Variants in PDE1C observed in about 807,000 individuals in gnomAD.
The protein encoded by PDE1C is phosphodiesterase 1C, also known as dual specificity calcium/calmodulin-dependent 3',5'-cyclic nucleotide phosphodiesterase 1C.
A neutral mutation model predicts 93.1 loss-of-function variants in PDE1C; 62 were observed. That is an observed-to-expected ratio of 0.67 (90% CI 0.54 to 0.82). PDE1C has a LOEUF of 0.82. Ranked by LOEUF, PDE1C falls within the 40% of genes least tolerant of loss-of-function variation. The pLI is 0.00. For synonymous variants in PDE1C, 325 were observed against 310.1 expected (o/e 1.05, Z -0.50); for missense variants, 742 against 884.6 (o/e 0.84, Z 2.04).
chr7:31,923,036 A>C (rs1168270782), intron 2 of PDE1C, among the ~76,000 whole-genome samples: 1 of 152,148 alleles, frequency 6.6e-6, no homozygotes, highest in African/African-American at 2.4e-5. Flanking sequence ...GCTAGGACTA[A>C]ACATAGAGCA....
chr7:31,681,370 C>CGGAT, the PDE1C span, among the ~76,000 whole-genome samples: 114 of 52,686 alleles, frequency 2.2e-3, no homozygotes, highest in Admixed American at 5.1e-3. Flanking sequence ...GATGGATGGA[C>CGGAT]GGATGGATGG....
intron 3 of PDE1C, among the ~76,000 whole-genome samples, chr7:32,103,612 AC>A (rs1375525532): frequency 6.6e-6 from 1 of 152,226 alleles, no homozygotes. Flanking sequence ...GGAAAGCCCA[AC>A]AATCGACAAG....
the PDE1C span, among the ~76,000 whole-genome samples, chr7:31,730,405 G>A: frequency 1.3e-4 from 20 of 152,180 alleles, no homozygotes; most frequent in African/African-American, 2.7e-4. Context: ...AGGGCCACTC[G>A]TGCTCTGCAG....
At chr7:32,130,143 G>T (rs1442665255) in intron 3 of PDE1C, among the ~76,000 whole-genome samples, 1 of 151,896 alleles carries the variant, frequency 6.6e-6, no homozygotes, top group Non-Finnish European at 1.5e-5. Context: ...AGAAAATAGT[G>T]CCTCAATATG....
At chr7:31,652,685 T>C in the PDE1C span, 2 of 1,613,788 alleles carry the variant, frequency 1.2e-6, no homozygotes, top group Non-Finnish European at 8.5e-7. Context: ...CCTGTTCAGG[T>C]GGGACCCAGT....
At chr7:32,076,416 G>A (rs567588771), upstream of PDE1C, among the ~76,000 whole-genome samples, 14 of 152,028 alleles carry the variant, frequency 9.2e-5, no homozygotes, top group East Asian at 3.9e-4. Context: ...CGACGTGGCC[G>A]GATCACCTGA....
chr7:31,838,939 T>G (rs1381179017), intron 9 of PDE1C, among the ~76,000 whole-genome samples: 1 of 150,842 alleles, frequency 6.6e-6, no homozygotes, highest in Admixed American at 6.6e-5. Flanking sequence ...AATTTTCTAG[T>G]TTTATACATG....
chr7:32,338,581 C>T (rs1439661875), intron 1 of PDE1C, among the ~76,000 whole-genome samples: 1 of 152,128 alleles, frequency 6.6e-6, no homozygotes, highest in Non-Finnish European at 1.5e-5. Context: ...AGGCAGTCCT[C>T]AAAAAATTAA....
At chr7:31,804,160 G>T (rs1238865664) in intron 16 of PDE1C, among the ~76,000 whole-genome samples, 1 of 151,852 alleles carries the variant, frequency 6.6e-6, no homozygotes, top group Non-Finnish European at 1.5e-5. Context: ...ATTCTGGGAT[G>T]CAGTTAAATT....
the PDE1C span, among the ~76,000 whole-genome samples, chr7:31,663,817 T>C: frequency 6.6e-6 from 1 of 152,226 alleles, no homozygotes; most frequent in African/African-American, 2.4e-5. Context: ...ATAATTTACA[T>C]ACCGTGTTTG....
At position 32,265,122 on chromosome 7, in the gene PDE1C, G is replaced by A. The variant is rs78749292; in HGVS notation, c.85+33529C>T. 7.9e-5 allele frequency among the ~76,000 whole-genome samples: 12 copies of A among 152,316 alleles called. No homozygotes were observed. The East Asian group carries it at 2.3e-3, about 29-fold the overall frequency. ...ACTCCAGAGAGAGCAACCTTAGCAAGAAAGTAGCAAAAGGGAAGGGAATTT... is the reference window on the plus strand; with the variant it reads ...ACTCCAGAGAGAGCAACCTTAGCAAAAAAGTAGCAAAAGGGAAGGGAATTT... On this transcript the variant is annotated intron_variant, in intron 1 of 18. Transcript: ENST00000396193.
At chr7:32,303,007 T>C (rs557036988), upstream of PDE1C, among the ~76,000 whole-genome samples, 3 of 152,274 alleles carry the variant, frequency 2.0e-5, no homozygotes, top group East Asian at 1.9e-4. Context: ...CTGCAGGCAA[T>C]GAAGTTTCTG....
At chr7:31,708,537 C>A in the PDE1C span, 1 of 152,334 alleles carries the variant, frequency 6.6e-6, no homozygotes, top group East Asian at 1.9e-4. Flanking sequence ...AAGAGACTCA[C>A]AAAGTTTTGC....
intron 3 of PDE1C, among the ~76,000 whole-genome samples, chr7:32,140,176 T>A (rs775433296): frequency 2.0e-5 from 3 of 152,196 alleles, no homozygotes; most frequent in African/African-American, 7.2e-5. Context: ...TTTCATTTAA[T>A]CCTTATGACA....
intron 3 of PDE1C, among the ~76,000 whole-genome samples, chr7:32,085,089 A>C (rs1269946403): frequency 1.4e-5 from 2 of 146,898 alleles, no homozygotes. Flanking sequence ...GGATCAACAA[A>C]ATTGATAGAC....
intron 16 of PDE1C, chr7:31,789,738 C>T (rs1388732155): frequency 2.0e-6 from 2 of 985,728 alleles, no homozygotes; most frequent in Admixed American, 6.1e-5. Context: ...AGACTGGAAT[C>T]ATCATCTTTG....
At chr7:32,163,958 C>A (rs1171094258) in intron 3 of PDE1C, among the ~76,000 whole-genome samples, 1 of 152,114 alleles carries the variant, frequency 6.6e-6, no homozygotes, top group Non-Finnish European at 1.5e-5. Flanking sequence ...TAACAGCAGC[C>A]CCCAAAGCCC....
In PDE1C at chr7:31,753,443, C is replaced by A. The variant is rs778260273; in HGVS notation, c.2071G>T (p.Asp691Tyr). ...ATCTTTTTCATTTTGATCCTCTGAT[C>A]CAGCATCTTGTACCTTGCAGGATGC... The part of the protein sequence containing the change: ...DEHPARYKML[D>Y]QRIKMKKIQN... The change falls in exon 18 of 18, where the codon GAT becomes TAT. Residue 691 changes from aspartate to tyrosine, a missense_variant. Asp to Tyr is a radical substitution (Grantham distance 160). Transcript: ENST00000396191. The A allele has an allele frequency of 6.2e-7, 1 of 1,612,504 alleles. No individual in the cohort carries two copies. The highest frequency in any genetic ancestry group is 1.3e-5 in the African/African-American group (1 of 75,026).
chr7:32,229,121 A>G (rs1278693906), intron 1 of PDE1C, among the ~76,000 whole-genome samples: 2 of 152,308 alleles, frequency 1.3e-5, no homozygotes, highest in Admixed American at 1.3e-4. Flanking sequence ...GCACACCTAG[A>G]AAAAGAGAAA....
Sources: gnomAD v4.1 joint callset for allele counts (sites outside exome capture counted in the v4.1 genomes callset) on GRCh38, gnomAD v4.1.1 for gene constraint, MANE v1.5 for transcripts, NCBI Gene and HGNC (gene_info 2026-07-23, HGNC 2026-07-21) for gene names.